LRRC4C: variants seen among roughly 807,000 people sequenced by gnomAD.
LRRC4C encodes leucine-rich repeat-containing protein 4C.
LRRC4C carries 5 observed loss-of-function variants against 33.6 expected under a neutral mutation model. The observed-to-expected ratio is 0.15, with a 90% confidence interval of 0.08 to 0.31. The LOEUF is 0.31. Ranked by LOEUF, LRRC4C falls within the 10% of genes least tolerant of loss-of-function variation. The pLI is 1.00. For missense variants in LRRC4C, 560 were observed against 796.7 expected, an observed-to-expected ratio of 0.70 and a Z score of 3.58; for synonymous variants, 329 against 302.0, an observed-to-expected ratio of 1.09 and a Z score of -0.93.
chr11:41,036,077 TAA>T (rs5791413), intron 1 of LRRC4C, among the ~76,000 whole-genome samples: 6 of 150,610 alleles, frequency 4.0e-5, no homozygotes, highest in East Asian at 2.0e-4. Context: ...GTTGTTTTTC[TAA>T]AAAAAAAACA....
chr11:40,864,863 T>G (rs1456635702), intron 2 of LRRC4C, among the ~76,000 whole-genome samples: 1 of 152,218 alleles, frequency 6.6e-6, no homozygotes, highest in Non-Finnish European at 1.5e-5. Context: ...GCCCCTTCTG[T>G]GTGTAAAAGA....
intron 2 of LRRC4C, among the ~76,000 whole-genome samples, chr11:40,772,642 A>G (rs962428692): frequency 6.6e-5 from 10 of 152,212 alleles, no homozygotes; most frequent in African/African-American, 1.9e-4. Flanking sequence ...AATCAAAACT[A>G]CATTGAGATA....
chr11:40,915,351 T>C (rs1383315320), intron 2 of LRRC4C, among the ~76,000 whole-genome samples: 3 of 151,998 alleles, frequency 2.0e-5, no homozygotes, highest in Admixed American at 6.6e-5. Context: ...AACAGAGATA[T>C]AGATCAATGG....
intron 1 of LRRC4C, among the ~76,000 whole-genome samples, chr11:41,426,069 C>T (rs149550941): frequency 8.1e-4 from 124 of 152,210 alleles, no homozygotes; most frequent in African/African-American, 2.9e-3. Context: ...AAACTGGGGC[C>T]ACCTTTTGGG....
In LRRC4C at chr11:40,759,514, A is replaced by C. The variant is rs572771097; in HGVS notation, c.-406-111236T>G. 2.6e-5 allele frequency among the ~76,000 whole-genome samples: 4 copies of C among 152,050 alleles called. No homozygotes were observed. In the South Asian group the frequency reaches 8.3e-4, roughly 31 times the overall value. ...GAGATATTCAGTACATATTTGAGTG[A>C]ATAAGCTTTAGGTTGGTGCAAAAGT... On this transcript the variant is annotated intron_variant, in intron 2 of 6. Transcript: ENST00000528697.
At chr11:41,139,273 G>A (rs1005644054) in intron 1 of LRRC4C, among the ~76,000 whole-genome samples, 1 of 151,974 alleles carries the variant, frequency 6.6e-6, no homozygotes, top group African/African-American at 2.4e-5. Context: ...TTATAGTAAG[G>A]GACTTATATA....
intron 1 of LRRC4C, among the ~76,000 whole-genome samples, chr11:40,977,942 G>A (rs1357924644): frequency 1.3e-5 from 2 of 152,130 alleles, no homozygotes; most frequent in Non-Finnish European, 2.9e-5. Context: ...GGAAAAAAAC[G>A]TACAGACATA....
At position 40,760,004 on chromosome 11, in the gene LRRC4C, C is replaced by CA. The variant is rs577564428; in HGVS notation, c.-406-111727dup. 1.3e-3 allele frequency among the ~76,000 whole-genome samples: 193 copies of CA among 149,834 alleles called. 1 individual carries two copies. Among genetic ancestry groups the CA allele is most frequent in the Middle Eastern group, 7.1e-3 (2 of 282 alleles). ...GAAAAAGGAGTAATTCGGTTTTGACCAATCCCTGGCATTCATCTGACAAGT... is the reference window on the plus strand; with the variant it reads ...GAAAAAGGAGTAATTCGGTTTTGACCAAATCCCTGGCATTCATCTGACAAGT... On this transcript the variant is annotated intron_variant, in intron 2 of 6. Coordinates refer to ENST00000528697, the MANE Select transcript of LRRC4C (RefSeq NM_001258419.2).
chr11:40,779,695 G>GTCCCAAACATTGGAATA (rs1279965094), intron 2 of LRRC4C, among the ~76,000 whole-genome samples: 1 of 152,118 alleles, frequency 6.6e-6, no homozygotes, highest in Non-Finnish European at 1.5e-5. Flanking sequence ...TTTAAGTAGA[G>GTCCCAAACATTGGAATA]TCCCAAACAT....
At chr11:41,003,484 T>C (rs1433188752) in intron 1 of LRRC4C, among the ~76,000 whole-genome samples, 1 of 152,146 alleles carries the variant, frequency 6.6e-6, no homozygotes, top group African/African-American at 2.4e-5. Flanking sequence ...GAATACGGTA[T>C]GGAGGCTACA....
chr11:40,421,654 C>A (rs942837007), intron 3 of LRRC4C, among the ~76,000 whole-genome samples: 2 of 152,184 alleles, frequency 1.3e-5, no homozygotes, highest in Non-Finnish European at 2.9e-5. Flanking sequence ...ACAACTTTTT[C>A]TTTTCCAGTA....
At chr11:40,426,263 T>C (rs896710185) in intron 3 of LRRC4C, among the ~76,000 whole-genome samples, 6 of 152,098 alleles carry the variant, frequency 3.9e-5, no homozygotes, top group African/African-American at 1.2e-4. Flanking sequence ...TTTGCCCACC[T>C]TGGCCTTCCA....
At chr11:40,666,342 A>C (rs1416979297) in intron 2 of LRRC4C, among the ~76,000 whole-genome samples, 1 of 152,172 alleles carries the variant, frequency 6.6e-6, no homozygotes, top group Non-Finnish European at 1.5e-5. Context: ...TGAGGGTATA[A>C]ACGTACTTCT....
At chr11:41,266,839 G>A (rs972757926) in intron 1 of LRRC4C, among the ~76,000 whole-genome samples, 1 of 152,030 alleles carries the variant, frequency 6.6e-6, no homozygotes, top group East Asian at 1.9e-4. Flanking sequence ...TCTAATTTAG[G>A]CAAGTGCACA....
intron 2 of LRRC4C, among the ~76,000 whole-genome samples, chr11:40,679,345 C>A (rs1944563583): frequency 6.6e-6 from 1 of 152,180 alleles, no homozygotes; most frequent in African/African-American, 2.4e-5. Context: ...AAACCCCATT[C>A]TCTGAGGAGA....
chr11:40,506,333 G>C (rs1261802313), intron 3 of LRRC4C, among the ~76,000 whole-genome samples: 1 of 152,236 alleles, frequency 6.6e-6, no homozygotes, highest in South Asian at 2.1e-4. Flanking sequence ...ATATGCAGCT[G>C]TGTGGCTTTT....
chr11:40,377,062 AC>A (rs1948688272), intron 3 of LRRC4C, among the ~76,000 whole-genome samples: 1 of 152,156 alleles, frequency 6.6e-6, no homozygotes, highest in Admixed American at 6.6e-5. Flanking sequence ...TGTGTTTAAT[AC>A]TTCATAAATA....
chr11:40,342,552 A>C (rs1286178672), intron 3 of LRRC4C, among the ~76,000 whole-genome samples: 1 of 152,214 alleles, frequency 6.6e-6, no homozygotes, highest in African/African-American at 2.4e-5. Flanking sequence ...AGTAGAAAAT[A>C]GGTAAAGAAG....
chr11:40,163,346 G>T (rs1040429111), intron 5 of LRRC4C, among the ~76,000 whole-genome samples: 2 of 152,250 alleles, frequency 1.3e-5, no homozygotes, highest in Non-Finnish European at 2.9e-5. Context: ...AAAGTATGCT[G>T]CATTTCAAAA....
Sources: gnomAD v4.1 joint callset for allele counts (sites outside exome capture counted in the v4.1 genomes callset) on GRCh38, gnomAD v4.1.1 for gene constraint, MANE v1.5 for transcripts, NCBI Gene and HGNC (gene_info 2026-07-23, HGNC 2026-07-21) for gene names.